CSMD1: variants seen among roughly 807,000 people sequenced by gnomAD.
CSMD1 encodes CUB and Sushi multiple domains 1.
Under a neutral mutation model 417.5 loss-of-function variants are expected in CSMD1, and 213 were observed. That is an observed-to-expected ratio of 0.51 (90% CI 0.46 to 0.57). The LOEUF is 0.57. CSMD1 is among the 20% of genes least tolerant of loss of function. The pLI is 0.00. For synonymous variants in CSMD1, 2,862 were observed against 1,736.8 expected, an observed-to-expected ratio of 1.65 and a Z score of -16.11; for missense variants, 6,923 against 4,529.7, an observed-to-expected ratio of 1.53 and a Z score of -15.17.
intron 3 of CSMD1, among the ~76,000 whole-genome samples, chr8:4,055,801 C>A (rs920240864): frequency 7.9e-5 from 12 of 151,954 alleles, no homozygotes; most frequent in African/African-American, 2.9e-4. Flanking sequence ...CTTCAAATGA[C>A]TAACACTGAA....
intron 1 of CSMD1, among the ~76,000 whole-genome samples, chr8:4,740,308 T>G (rs889751464): frequency 2.0e-5 from 3 of 152,194 alleles, no homozygotes; most frequent in Non-Finnish European, 4.4e-5. Context: ...GGGTCTTACA[T>G]TTTACTAATG....
chr8:4,095,986 A>C (rs1227600972), intron 3 of CSMD1, among the ~76,000 whole-genome samples: 1 of 152,158 alleles, frequency 6.6e-6, no homozygotes, highest in Admixed American at 6.6e-5. Flanking sequence ...TTAACCAAAA[A>C]CCCAGAGTTG....
chr8:4,093,753 G>C (rs11775574), intron 3 of CSMD1, among the ~76,000 whole-genome samples: 53,994 of 151,952 alleles, frequency 0.36, 10,336 homozygotes, highest in Non-Finnish European at 0.43. Context: ...CTGAGGTCAG[G>C]AGTTCAAGAC....
chr8:3,871,332 T>C (rs1279548804), intron 5 of CSMD1, among the ~76,000 whole-genome samples: 1 of 152,132 alleles, frequency 6.6e-6, no homozygotes, highest in Non-Finnish European at 1.5e-5. Context: ...CACAACATCA[T>C]AGTTGATATT....
chr8:4,849,480 T>C (rs532402184), intron 1 of CSMD1, among the ~76,000 whole-genome samples: 4 of 152,248 alleles, frequency 2.6e-5, no homozygotes, highest in African/African-American at 7.2e-5. Flanking sequence ...ATCTCCTAGA[T>C]CTCACGTTCA....
At chr8:4,147,770 T>A (rs1001909708) in intron 3 of CSMD1, among the ~76,000 whole-genome samples, 1 of 152,022 alleles carries the variant, frequency 6.6e-6, no homozygotes, top group African/African-American at 2.4e-5. Flanking sequence ...GGACTTGCCA[T>A]GTGAGATCAG....
chr8:4,494,590 C>T (rs1350184798), intron 2 of CSMD1, among the ~76,000 whole-genome samples: 1 of 152,060 alleles, frequency 6.6e-6, no homozygotes, highest in Non-Finnish European at 1.5e-5. Flanking sequence ...GTCAATAAAA[C>T]TTCACAAATT....
At chr8:3,715,223 A>C (rs982042534) in intron 6 of CSMD1, among the ~76,000 whole-genome samples, 2 of 152,162 alleles carry the variant, frequency 1.3e-5, no homozygotes, top group Admixed American at 6.5e-5. Context: ...AGACCCATTA[A>C]ATTTCTAAGT....
chr8:4,657,711 C>CA (rs1804330840), intron 1 of CSMD1, among the ~76,000 whole-genome samples: 1 of 139,490 alleles, frequency 7.2e-6, no homozygotes, highest in Admixed American at 7.2e-5. Context: ...GACCCACTCA[C>CA]AAAAGAAATG....
intron 4 of CSMD1, among the ~76,000 whole-genome samples, chr8:4,004,936 G>A (rs548655404): frequency 9.9e-5 from 15 of 152,208 alleles, no homozygotes; most frequent in African/African-American, 3.6e-4. Context: ...AGTAGAGACA[G>A]GGTTTCACCG....
intron 3 of CSMD1, among the ~76,000 whole-genome samples, chr8:4,393,305 G>C (rs558131393): frequency 2.0e-5 from 3 of 152,108 alleles, no homozygotes; most frequent in African/African-American, 7.2e-5. Flanking sequence ...AGGTGCTTTA[G>C]AAATAAAAGG....
chr8:3,805,002 T>A (rs1239400970), intron 5 of CSMD1, among the ~76,000 whole-genome samples: 2 of 152,164 alleles, frequency 1.3e-5, no homozygotes, highest in African/African-American at 2.4e-5. Flanking sequence ...GTTCACTTCT[T>A]CTGGTCTTGA....
intron 3 of CSMD1, among the ~76,000 whole-genome samples, chr8:4,231,767 G>A (rs1801748594): frequency 6.6e-6 from 1 of 152,136 alleles, no homozygotes; most frequent in Admixed American, 6.6e-5. Flanking sequence ...TGTTGGCCAT[G>A]CCACAGCCTC....
chr8:4,072,399 T>C (rs12676153), intron 3 of CSMD1, among the ~76,000 whole-genome samples: 52,022 of 151,888 alleles, frequency 0.34, 10,516 homozygotes, highest in Non-Finnish European at 0.43. Context: ...GCATTCTATG[T>C]ACCAAGCATT....
intron 3 of CSMD1, among the ~76,000 whole-genome samples, chr8:4,101,960 G>A (rs1801326538): frequency 6.6e-6 from 1 of 152,144 alleles, no homozygotes; most frequent in Non-Finnish European, 1.5e-5. Flanking sequence ...AGAGAAAGGA[G>A]GACTCTTGAA....
intron 3 of CSMD1, among the ~76,000 whole-genome samples, chr8:4,313,018 G>C (rs1314575014): frequency 1.3e-5 from 2 of 152,072 alleles, no homozygotes; most frequent in African/African-American, 2.4e-5. Context: ...AGAATTTAGA[G>C]AATGATTCAC....
At chr8:3,782,800 G>C (rs908034903) in intron 5 of CSMD1, among the ~76,000 whole-genome samples, 1 of 152,148 alleles carries the variant, frequency 6.6e-6, no homozygotes, top group Non-Finnish European at 1.5e-5. Flanking sequence ...GATAACAAAT[G>C]ATTTTATAAG....
chr8:4,705,052 C>A (rs1468213645), intron 1 of CSMD1, among the ~76,000 whole-genome samples: 1 of 152,138 alleles, frequency 6.6e-6, no homozygotes, highest in Non-Finnish European at 1.5e-5. Flanking sequence ...TGTTCTCATG[C>A]TAGTGGGTGA....
chr8:4,050,774 T>C (rs1480949641), intron 3 of CSMD1, among the ~76,000 whole-genome samples: 1 of 152,146 alleles, frequency 6.6e-6, no homozygotes, highest in Non-Finnish European at 1.5e-5. Context: ...ACCAAGTGTA[T>C]AAAATTCAGA....
Sources: allele counts gnomAD v4.1 joint callset (sites outside exome capture counted in the v4.1 genomes callset), GRCh38; gene constraint gnomAD v4.1.1; transcripts MANE v1.5; gene names NCBI Gene and HGNC (gene_info 2026-07-23, HGNC 2026-07-21).